The following HTT variants were observed in gnomAD, a reference collection of about 807,000 sequenced individuals.
HTT encodes huntington disease protein.
In HTT, 104 loss-of-function variants were observed where a neutral mutation model predicts 362.3. The observed-to-expected ratio is 0.29, with a 90% confidence interval of 0.24 to 0.34. HTT has a LOEUF of 0.34. Ranked by LOEUF, HTT falls within the 10% of genes least tolerant of loss-of-function variation. The pLI, the probability that HTT is intolerant of heterozygous loss-of-function variation, is 1.00. For synonymous variants in HTT, 1,577 were observed against 1,548.7 expected (o/e 1.02, Z -0.43); for missense variants, 3,301 against 3,928.6 (o/e 0.84, Z 4.27).
At chr4:3,099,559 C>T (rs1046650076) in intron 3 of HTT, among the ~76,000 whole-genome samples, 165 bp downstream of exon 3, 8 of 150,116 alleles carry the variant, frequency 5.3e-5, no homozygotes. Flanking sequence ...TTTGGAGGTG[C>T]TCTGTTGTAT....
chr4:3,228,521 G>C lies in HTT; in HGVS notation c.7849-94G>C. On this transcript the variant is annotated intron_variant, in intron 57 of 66. Transcript: ENST00000355072. This position sits in a 1 kb window ranked among gnomAD's most constrained non-coding sequence, Gnocchi z 4.3. ...CTTGCTAAGGGGCAGACTGTTAGAC[G>C]GTAGGCATGTGCTGAGTCCCAGTGG... The C allele has an allele frequency of 1.4e-6, 2 of 1,390,972 alleles. No homozygotes were observed. Among genetic ancestry groups the C allele is most frequent in the Admixed American group, 2.4e-5 (1 of 42,200 alleles). The allele number at this position is 1,390,972 out of a possible 1,614,324, so 86.2% of individuals were successfully genotyped here.
intron 26 of HTT, among the ~76,000 whole-genome samples, chr4:3,153,255 C>A (rs547452313): frequency 6.6e-6 from 1 of 152,076 alleles, no homozygotes; most frequent in Non-Finnish European, 1.5e-5. Flanking sequence ...ATGACCCAGT[C>A]ACCTCCCAAA....
intron 8 of HTT, 24 bp downstream of exon 8, chr4:3,116,287 G>C (rs1461294251): frequency 6.4e-7 from 1 of 1,569,478 alleles, no homozygotes; most frequent in South Asian, 1.1e-5. Context: ...GTTTACTCTA[G>C]GCCCTGCATG....
At chr4:3,090,057 A>G (rs534200193) in intron 2 of HTT, among the ~76,000 whole-genome samples, 1 of 152,320 alleles carries the variant, frequency 6.6e-6, no homozygotes, top group African/African-American at 2.4e-5. Context: ...TGTTTTATGG[A>G]AACTTATTGC....
intron 49 of HTT, among the ~76,000 whole-genome samples, chr4:3,213,598 GCT>G (rs1720262033): frequency 6.6e-6 from 1 of 152,174 alleles, no homozygotes; most frequent in African/African-American, 2.4e-5. Context: ...TAGAACCCAC[GCT>G]CTCAAATTCA....
intron 18 of HTT, among the ~76,000 whole-genome samples, chr4:3,133,861 G>C (rs1715940780): frequency 6.6e-6 from 1 of 152,198 alleles, no homozygotes; most frequent in Admixed American, 6.5e-5. Flanking sequence ...GCAGAAGGAA[G>C]CATGCTAAGA....
At chr4:3,204,809 A>G (rs1560592381) in intron 42 of HTT, among the ~76,000 whole-genome samples, 1 of 152,130 alleles carries the variant, frequency 6.6e-6, no homozygotes, top group African/African-American at 2.4e-5. Flanking sequence ...TCTACCAAAA[A>G]AAGAAAGAGA....
At chr4:3,116,721 GT>G (rs1424688185) in intron 8 of HTT, among the ~76,000 whole-genome samples, 1 of 152,196 alleles carries the variant, frequency 6.6e-6, no homozygotes, top group Non-Finnish European at 1.5e-5. Flanking sequence ...GGACGTGGTC[GT>G]TTGGGGTGTC....
At chr4:3,187,431 A>G (rs1398229003) in intron 38 of HTT, among the ~76,000 whole-genome samples, 1 of 152,228 alleles carries the variant, frequency 6.6e-6, no homozygotes, top group Non-Finnish European at 1.5e-5. Flanking sequence ...TTGGGATTAC[A>G]GGTGGCTCTC....
rs750741890 is a variant in HTT, at chr4:3,212,110, C to T, written c.6596C>T (p.Ala2199Val). Residue 2199 changes from alanine to valine, a missense_variant, in exon 48 of 67, where the codon GCG becomes GTG. Transcript: ENST00000355072. ...CAGCCCGAGCTGCCTGCAGAGCCGG[C>T]GGCCTACTGGAGCAAGTTGAATGAT... ...VFQPELPAEP[A>V]AYWSKLNDLF... The T allele has an allele frequency of 7.4e-6, 12 of 1,613,628 alleles. No homozygotes were observed. Among genetic ancestry groups the T allele is most frequent in the Admixed American group, 1.7e-5 (1 of 60,016 alleles).
At chr4:3,203,938 C>T in intron 41 of HTT, 69 bp from the exon 42 acceptor site, 2 of 1,459,346 alleles carry the variant, frequency 1.4e-6, no homozygotes, top group Non-Finnish European at 1.9e-6. Context: ...ACATAATCAT[C>T]TTCAGTATTT....
Position 3,175,034 on chromosome 4 carries a change from A to G in HTT, c.4334A>G (p.Gln1445Arg). 1 of 1,614,080 alleles carries G rather than the reference A, an allele frequency of 6.2e-7. No homozygotes were observed. The highest frequency in any genetic ancestry group is 8.5e-7 in the Non-Finnish European group (1 of 1,179,882). The stretch of plus-strand genomic sequence containing the variant: ...ACGACTACAACATGTGTGCAGTTAC[A>G]GAAGCAGGTTTTAGATTTGCTGGCG... Reference protein sequence around the residue: ...QYTTTTCVQLQKQVLDLLAQL... With the variant: ...QYTTTTCVQLRKQVLDLLAQL... Residue 1445 changes from glutamine to arginine, a missense_variant, in exon 33 of 67, where the codon CAG (glutamine) becomes CGG (arginine). By Grantham distance (43) the Gln-to-Arg change is conservative. This residue lies in a region of HTT where 2,316 missense variants were observed against 2,658.5 expected (regional missense o/e 0.87). Coordinates refer to ENST00000355072, the MANE Select transcript of HTT (RefSeq NM_001388492.1).
intron 1 of HTT, among the ~76,000 whole-genome samples, chr4:3,085,018 G>GA (rs551509828): frequency 8.1e-5 from 12 of 148,714 alleles, no homozygotes; most frequent in South Asian, 4.3e-4. Context: ...CGTCTCGGGG[G>GA]AAAAAAAAAA....
chr4:3,137,082 A>G (rs1716106666), intron 21 of HTT, among the ~76,000 whole-genome samples: 1 of 151,634 alleles, frequency 6.6e-6, no homozygotes, highest in Non-Finnish European at 1.5e-5. Flanking sequence ...TAATTTTTGT[A>G]TTTTTAGTAG....
chr4:3,148,329 C>T, intron 26 of HTT, 122 bp downstream of exon 26: 1 of 704,180 alleles, frequency 1.4e-6, no homozygotes. Context: ...CAAAATTGCT[C>T]AGATTGTGAC....
intron 29 of HTT, among the ~76,000 whole-genome samples, chr4:3,168,135 G>T (rs1305246403): frequency 6.6e-6 from 1 of 152,226 alleles, no homozygotes; most frequent in Non-Finnish European, 1.5e-5. Context: ...AGCATGGCAA[G>T]GTTTCAGATC....
intron 1 of HTT, among the ~76,000 whole-genome samples, chr4:3,078,998 A>G (rs926065016): frequency 1.7e-4 from 25 of 151,464 alleles, no homozygotes; most frequent in East Asian, 1.4e-3. Flanking sequence ...TGATCCGCCC[A>G]CCTCGGCCTC....
At chr4:3,152,772 G>A (rs1459041058) in intron 26 of HTT, among the ~76,000 whole-genome samples, 1 of 150,796 alleles carries the variant, frequency 6.6e-6, no homozygotes, top group Non-Finnish European at 1.5e-5. Flanking sequence ...TCAGCCTCCC[G>A]AGTGGCTGGG....
At chr4:3,099,966 A>C (rs889100969) in intron 3 of HTT, among the ~76,000 whole-genome samples, 4 of 151,444 alleles carry the variant, frequency 2.6e-5, no homozygotes, top group Admixed American at 1.3e-4. Flanking sequence ...GCTCTATTGT[A>C]TGGTTTGGAG....
Sources: allele counts gnomAD v4.1 joint callset (sites outside exome capture counted in the v4.1 genomes callset), GRCh38; gene constraint gnomAD v4.1.1; regional missense constraint gnomAD v4.1.1; non-coding constraint Gnocchi (gnomAD v3.1); transcripts MANE v1.5; gene names NCBI Gene and HGNC (gene_info 2026-07-23, HGNC 2026-07-21).